The following XRCC1 variants were observed in gnomAD, a reference collection of about 807,000 sequenced individuals.
The protein encoded by XRCC1 is DNA repair protein XRCC1.
In XRCC1, 52 loss-of-function variants were observed where a neutral mutation model predicts 83.3. The ratio of observed to expected loss-of-function variants is 0.62; its 90% CI spans 0.50 to 0.79. The LOEUF is 0.79. XRCC1 is among the 30% of genes least tolerant of loss of function. XRCC1 has a pLI of 0.00. For synonymous variants in XRCC1, 281 were observed against 312.6 expected (o/e 0.90, Z 1.07); for missense variants, 793 against 823.5 (o/e 0.96, Z 0.45).
At chr19:43,565,975 C>T (rs1281577010) in intron 2 of XRCC1, among the ~76,000 whole-genome samples, 2 of 152,046 alleles carry the variant, frequency 1.3e-5, no homozygotes, top group African/African-American at 4.8e-5. Flanking sequence ...GTGGCTCACA[C>T]CTGTAATCTC....
At position 43,575,066 on chromosome 19, in the gene XRCC1, A is replaced by T. The variant is rs1414980490; in HGVS notation, c.52-64T>A. The T allele has an allele frequency of 8.7e-6, 12 of 1,374,182 alleles. No homozygotes were observed. In the East Asian group the frequency reaches 2.3e-4, roughly 26 times the overall value. The allele number at this position is 1,374,182 out of a possible 1,614,324, so 85.1% of individuals were successfully genotyped here. A position where few individuals can be genotyped will look rare whatever the true frequency, so the allele number is the denominator to read the frequency against. On this transcript the variant is annotated intron_variant, in intron 1 of 16. Coordinates refer to ENST00000262887, the MANE Select transcript of XRCC1 (RefSeq NM_006297.3). Reference sequence around the variant, plus strand: ...GATGACAGCTAGGCCTCCAGCTCTCAGATGATTCCTTTGAGTCCTCCCAAG... The same window carrying T: ...GATGACAGCTAGGCCTCCAGCTCTCTGATGATTCCTTTGAGTCCTCCCAAG...
At chr19:43,560,372 C>G (rs111498182) in intron 3 of XRCC1, among the ~76,000 whole-genome samples, 5,061 of 151,366 alleles carry the variant, frequency 0.033, 158 homozygotes, top group African/African-American at 0.085. Flanking sequence ...CTCACTCCAG[C>G]CTGGGCGACA....
chr19:43,550,460 G>A (rs1972563908), intron 10 of XRCC1, among the ~76,000 whole-genome samples: 1 of 152,116 alleles, frequency 6.6e-6, no homozygotes, highest in South Asian at 2.1e-4. Context: ...GGCTCCGGAA[G>A]CCCCTTCTGA....
chr19:43,554,533 C>G (rs1972615101), intron 4 of XRCC1, 113 bp downstream of exon 4: 1 of 1,353,616 alleles, frequency 7.4e-7, no homozygotes, highest in South Asian at 1.5e-5. Flanking sequence ...CCCCATAATC[C>G]CATGGGACAC....
chr19:43,555,083 T>A (rs1416406465), intron 3 of XRCC1: 2 of 281,462 alleles, frequency 7.1e-6, no homozygotes, highest in African/African-American at 4.4e-5. Context: ...GCGGGCTACA[T>A]GTCCTAAGGA....
At chr19:43,574,604 T>C (rs907090155) in intron 2 of XRCC1, 1 of 322,920 alleles carries the variant, frequency 3.1e-6, no homozygotes, top group African/African-American at 2.1e-5. Context: ...CTGAGCCCAC[T>C]GGCTGCAGGA....
Position 43,552,108 on chromosome 19 carries a change from G to A in XRCC1, c.991C>T (p.Gln331Ter), listed in dbSNP as rs1242116499. Residue 331 changes from glutamine to a stop codon, truncating the protein, a stop_gained, in exon 9 of 17, where the codon CAG (glutamine) becomes TAG (stop). Transcript: ENST00000262887. LOFTEE classifies it high-confidence loss of function. ...CGCAGCTCGGAGCGGAAGGGGTTCTGGAAGCCACTCAGCACCACTACCACA... is the reference window on the plus strand; with the variant it reads ...CGCAGCTCGGAGCGGAAGGGGTTCTAGAAGCCACTCAGCACCACTACCACA... ...QGVVVVLSGF[Q>*]NPFRSELRDK... The A allele has an allele frequency of 1.9e-6, 3 of 1,613,946 alleles. No homozygotes were observed. The highest frequency in any genetic ancestry group is 1.7e-6 in the Non-Finnish European group (2 of 1,179,988).
intron 3 of XRCC1, among the ~76,000 whole-genome samples, chr19:43,558,446 G>C (rs1972661616): frequency 6.6e-6 from 1 of 151,964 alleles, no homozygotes; most frequent in Non-Finnish European, 1.5e-5. Context: ...GACCAGCCTG[G>C]GCAACACAGT....
In XRCC1 at chr19:43,543,437, C is replaced by A. The variant is rs1430857679; in HGVS notation, c.1857G>T (p.Gln619His). The A allele has an allele frequency of 6.2e-7, 1 of 1,612,900 alleles. No individual in the cohort carries two copies. Among genetic ancestry groups the A allele is most frequent in the Non-Finnish European group, 8.5e-7 (1 of 1,179,958 alleles). ...CATAGAGCTGGTGAGGAAGTAACTT[C>A]TGCTTCTCATTGCAACTGTAGATCC... Reference protein sequence around the residue: ...PRWIYSCNEKQKLLPHQLYGV... With the variant: ...PRWIYSCNEKHKLLPHQLYGV... The change falls in exon 17 of 17, where the codon CAG (glutamine) becomes CAT (histidine). Residue 619 changes from glutamine to histidine, a missense_variant. Physicochemically the swap from Gln to His is conservative, Grantham distance 24. Transcript: ENST00000262887.
chr19:43,574,575 T>TCCAGC (rs1972835572), intron 2 of XRCC1: 1 of 251,252 alleles, frequency 4.0e-6, no homozygotes, highest in East Asian at 8.4e-5. Context: ...TAGACGACCT[T>TCCAGC]CCTGGACACC....
intron 2 of XRCC1, among the ~76,000 whole-genome samples, chr19:43,570,017 C>T (rs533638668): frequency 9.8e-5 from 15 of 152,320 alleles, no homozygotes; most frequent in African/African-American, 3.4e-4. Context: ...TAGGCATGTT[C>T]TGTGCTGCAT....
chr19:43,551,827 G>T, intron 9 of XRCC1, 140 bp from the exon 10 acceptor site: 1 of 997,090 alleles, frequency 1.0e-6, no homozygotes, highest in Non-Finnish European at 1.5e-6. Context: ...AACAAAAAGA[G>T]GTTGGAGACC....
chr19:43,568,235 G>A (rs192418010), intron 2 of XRCC1, among the ~76,000 whole-genome samples: 201 of 151,792 alleles, frequency 1.3e-3, no homozygotes, highest in South Asian at 4.6e-3. Context: ...CGTGGCTGAC[G>A]CCTGTAATCC....
At chr19:43,573,383 T>C (rs1251604158) in intron 2 of XRCC1, among the ~76,000 whole-genome samples, 1 of 152,184 alleles carries the variant, frequency 6.6e-6, no homozygotes, top group South Asian at 2.1e-4. Flanking sequence ...TTTAAGGCCC[T>C]TGCTGAAGTT....
At chr19:43,553,164 A>G in intron 6 of XRCC1, 73 bp from the exon 7 acceptor site, 1 of 1,462,992 alleles carries the variant, frequency 6.8e-7, no homozygotes, top group Admixed American at 2.0e-5. Context: ...TCTATGGGAC[A>G]CAGAATATTG....
chr19:43,554,706 C>T lies in XRCC1; in HGVS notation c.354G>A (p.Arg118=). ...GGTCCCAGCGCTTCTCGGCGGCTGC[C>T]CGGACCAGCTTGTCAGGCCCAAACA... ...VRMFGPDKLV[R]AAAEKRWDRV... is the part of the protein sequence containing the mutation. The change falls in exon 4 of 17, where the codon CGG becomes CGA. Residue 118 remains arginine (R), a synonymous_variant. Coordinates refer to ENST00000262887, the MANE Select transcript of XRCC1 (RefSeq NM_006297.3). The T allele has an allele frequency of 6.2e-7, 1 of 1,614,026 alleles. No individual in the cohort carries two copies. Among genetic ancestry groups the T allele is most frequent in the East Asian group, 2.2e-5 (1 of 44,866 alleles).
chr19:43,567,467 A>C (rs1389520498), intron 2 of XRCC1, among the ~76,000 whole-genome samples: 1 of 151,298 alleles, frequency 6.6e-6, no homozygotes, highest in Non-Finnish European at 1.5e-5. Context: ...ACGCACCACC[A>C]CCCCCGGCTA....
chr19:43,548,541 A>G (rs1295138008), intron 10 of XRCC1, among the ~76,000 whole-genome samples: 2 of 152,164 alleles, frequency 1.3e-5, no homozygotes, highest in East Asian at 1.9e-4. Context: ...GGGCGGTGCA[A>G]GATGTGCTTT....
chr19:43,559,114 C>A (rs1360854974), intron 3 of XRCC1, among the ~76,000 whole-genome samples: 1 of 151,718 alleles, frequency 6.6e-6, no homozygotes, highest in Non-Finnish European at 1.5e-5. Flanking sequence ...GCACTCCAGC[C>A]TGGCCAACAG....
Sources: allele counts gnomAD v4.1 joint callset (sites outside exome capture counted in the v4.1 genomes callset), GRCh38; gene constraint gnomAD v4.1.1; transcripts MANE v1.5; gene names NCBI Gene and HGNC (gene_info 2026-07-23, HGNC 2026-07-21).